The following PDE3B variants were observed in gnomAD, a reference collection of about 807,000 sequenced individuals.
PDE3B encodes phosphodiesterase 3B.
In PDE3B, 66 loss-of-function variants were observed where a neutral mutation model predicts 116.8. The observed-to-expected ratio is 0.56, with a 90% CI of 0.46 to 0.69. The LOEUF (loss-of-function observed/expected upper bound fraction) is 0.69. Ranked by LOEUF, PDE3B falls within the 30% of genes least tolerant of loss-of-function variation. PDE3B has a pLI of 0.00. For synonymous variants in PDE3B, 595 were observed against 533.6 expected (o/e 1.12, Z -1.59); for missense variants, 1,384 against 1,368.1 (o/e 1.01, Z -0.18).
intron 1 of PDE3B, among the ~76,000 whole-genome samples, chr11:14,667,165 C>T (rs1356407577): frequency 6.6e-6 from 1 of 150,514 alleles, no homozygotes; most frequent in Non-Finnish European, 1.5e-5. Context: ...ATCATCATTC[C>T]CAGTAAACTA....
intron 14 of PDE3B, among the ~76,000 whole-genome samples, chr11:14,862,180 AATT>A (rs1847963075): frequency 6.6e-6 from 1 of 152,102 alleles, no homozygotes; most frequent in Non-Finnish European, 1.5e-5. Context: ...AGCTGTGACC[AATT>A]ATTATTTTAG....
intron 7 of PDE3B, among the ~76,000 whole-genome samples, chr11:14,825,512 T>G (rs770243817): frequency 3.3e-5 from 5 of 152,048 alleles, no homozygotes; most frequent in Non-Finnish European, 5.9e-5. Context: ...CAAAACAGAC[T>G]TTAAACCAAC....
intron 1 of PDE3B, among the ~76,000 whole-genome samples, chr11:14,652,027 C>T (rs928928138): frequency 3.9e-5 from 6 of 152,118 alleles, no homozygotes; most frequent in African/African-American, 1.2e-4. Flanking sequence ...TCAAATAAAT[C>T]ACTGCAAATT....
intron 1 of PDE3B, among the ~76,000 whole-genome samples, chr11:14,721,333 A>G (rs1856069518): frequency 1.3e-5 from 2 of 151,988 alleles, no homozygotes; most frequent in African/African-American, 4.8e-5. Context: ...GTGGGACTGT[A>G]AACTAGTACA....
chr11:14,798,330 T>G (rs1204978435), intron 4 of PDE3B, among the ~76,000 whole-genome samples: 1 of 152,192 alleles, frequency 6.6e-6, no homozygotes, highest in Non-Finnish European at 1.5e-5. Flanking sequence ...GGATTCTGTT[T>G]GCCAATATTT....
At chr11:14,786,340 T>C in intron 2 of PDE3B, 97 bp from the exon 3 acceptor site, 2 of 634,112 alleles carry the variant, frequency 3.2e-6, no homozygotes, top group Non-Finnish European at 4.8e-6. Context: ...ATTTGCTACA[T>C]ATATATATAT....
intron 1 of PDE3B, among the ~76,000 whole-genome samples, chr11:14,687,733 A>G (rs1173862776): frequency 6.6e-6 from 1 of 152,172 alleles, no homozygotes; most frequent in Non-Finnish European, 1.5e-5. Context: ...TTAGTTGCCT[A>G]TCAGATCTTT....
At chr11:14,739,332 T>A (rs2133863286) in intron 1 of PDE3B, among the ~76,000 whole-genome samples, 1 of 152,354 alleles carries the variant, frequency 6.6e-6, no homozygotes, top group African/African-American at 2.4e-5. Context: ...CCTTGTAAGT[T>A]GGATTCCTAG....
At chr11:14,653,564 C>CAA (rs200748830) in intron 1 of PDE3B, among the ~76,000 whole-genome samples, 1 of 147,644 alleles carries the variant, frequency 6.8e-6, no homozygotes. Flanking sequence ...GACTCCGTCT[C>CAA]AAAAAAAAAC....
chr11:14,669,932 A>C (rs914553413), intron 1 of PDE3B, among the ~76,000 whole-genome samples: 2 of 152,190 alleles, frequency 1.3e-5, no homozygotes, highest in African/African-American at 4.8e-5. Context: ...ATTTGTAGAC[A>C]AATGTTAATC....
At chr11:14,742,459 CT>C (rs1278728834) in intron 1 of PDE3B, among the ~76,000 whole-genome samples, 2 of 152,066 alleles carry the variant, frequency 1.3e-5, no homozygotes, top group African/African-American at 4.8e-5. Flanking sequence ...CTTCTCTAAA[CT>C]GGTTATTCTA....
the PDE3B span, chr11:14,887,385 G>A: frequency 6.4e-6 from 1 of 155,190 alleles, no homozygotes; most frequent in South Asian, 2.0e-4. Flanking sequence ...TCCTCTATTT[G>A]AGGGTAGAAC....
intron 1 of PDE3B, among the ~76,000 whole-genome samples, chr11:14,666,727 C>G (rs2133772779): frequency 6.6e-6 from 1 of 151,784 alleles, no homozygotes; most frequent in East Asian, 1.9e-4. Flanking sequence ...ATCAAAACCA[C>G]AATGAGATAC....
At chr11:14,663,933 A>G (rs1854029442) in intron 1 of PDE3B, among the ~76,000 whole-genome samples, 1 of 152,162 alleles carries the variant, frequency 6.6e-6, no homozygotes, top group East Asian at 1.9e-4. Flanking sequence ...ACATCTACAG[A>G]ACTCTCCACC....
intron 5 of PDE3B, among the ~76,000 whole-genome samples, chr11:14,815,673 A>G (rs1213923002): frequency 6.6e-6 from 1 of 152,210 alleles, no homozygotes; most frequent in Non-Finnish European, 1.5e-5. Flanking sequence ...TCTTTTGATA[A>G]GAAGCTAGTC....
chr11:14,684,174 T>A (rs1215381386), intron 1 of PDE3B, among the ~76,000 whole-genome samples: 1 of 152,204 alleles, frequency 6.6e-6, no homozygotes, highest in African/African-American at 2.4e-5. Context: ...TTTCAAAGTT[T>A]GAAAGTATCA....
intron 1 of PDE3B, among the ~76,000 whole-genome samples, chr11:14,745,123 C>T (rs1420096856): frequency 6.6e-6 from 1 of 152,282 alleles, no homozygotes; most frequent in East Asian, 1.9e-4. Flanking sequence ...CTGCACCAGC[C>T]GAAGGTAGCT....
intron 1 of PDE3B, among the ~76,000 whole-genome samples, chr11:14,651,176 G>A (rs1261086951): frequency 6.6e-6 from 1 of 152,102 alleles, no homozygotes; most frequent in African/African-American, 2.4e-5. Flanking sequence ...AGCTTCTGGT[G>A]GTTTACTGGC....
chr11:14,867,660 T>C lies in PDE3B; in HGVS notation c.3041T>C (p.Leu1014Ser). The change falls in exon 15 of 16, where the codon TTA (leucine) becomes TCA (serine). Residue 1014 changes from leucine to serine, a missense_variant. Leu to Ser is a moderately radical substitution (Grantham distance 145). Transcript: ENST00000282096. Reference protein sequence around the residue: ...DAAGLLPGQWLEAEEDNDTES... With the variant: ...DAAGLLPGQWSEAEEDNDTES... ...GCTGGTTTGCTACCAGGTCAGTGGT[T>C]AGAAGCAGAAGAGGATAATGATACT... is the stretch of plus-strand genomic sequence containing the variant. 1 of 1,614,012 alleles carries C rather than the reference T, an allele frequency of 6.2e-7. No homozygotes were observed. Among genetic ancestry groups the C allele is most frequent in the Non-Finnish European group, 8.5e-7 (1 of 1,179,946 alleles).
Sources: allele counts gnomAD v4.1 joint callset (sites outside exome capture counted in the v4.1 genomes callset), GRCh38; gene constraint gnomAD v4.1.1; transcripts MANE v1.5; gene names NCBI Gene and HGNC (gene_info 2026-07-23, HGNC 2026-07-21).